The following CSMD1 variants were observed in gnomAD, a reference collection of about 807,000 sequenced individuals.
CSMD1 encodes the protein CUB and Sushi multiple domains 1, also known as CUB and sushi domain-containing protein 1.
A neutral mutation model predicts 417.5 loss-of-function variants in CSMD1; 213 were observed. The observed-to-expected ratio is 0.51, with a 90% confidence interval of 0.46 to 0.57. The LOEUF (loss-of-function observed/expected upper bound fraction) is 0.57. Ranked by LOEUF, CSMD1 falls within the 20% of genes least tolerant of loss-of-function variation. The pLI, the probability that CSMD1 is intolerant of heterozygous loss-of-function variation, is 0.00. For missense variants in CSMD1, 6,923 were observed against 4,529.7 expected (o/e 1.53, Z -15.17); for synonymous variants, 2,862 against 1,736.8 (o/e 1.65, Z -16.11).
chr8:4,172,111 C>T (rs945694698), intron 3 of CSMD1, among the ~76,000 whole-genome samples: 3 of 152,084 alleles, frequency 2.0e-5, no homozygotes, highest in African/African-American at 7.2e-5. Context: ...TCATGCGGAT[C>T]ATTTCAGTAG....
At chr8:4,800,904 T>C (rs1175137996) in intron 1 of CSMD1, among the ~76,000 whole-genome samples, 1 of 152,230 alleles carries the variant, frequency 6.6e-6, no homozygotes, top group African/African-American at 2.4e-5. Context: ...CTTGTACTCA[T>C]CACAGATTCT....
chr8:4,715,359 A>C (rs543276785), intron 1 of CSMD1, among the ~76,000 whole-genome samples: 1 of 152,360 alleles, frequency 6.6e-6, no homozygotes, highest in Non-Finnish European at 1.5e-5. Flanking sequence ...ATGCTTCATC[A>C]AAGAGCAATA....
intron 1 of CSMD1, among the ~76,000 whole-genome samples, chr8:4,725,838 C>G (rs147855531): frequency 6.6e-6 from 1 of 152,080 alleles, no homozygotes; most frequent in Non-Finnish European, 1.5e-5. Flanking sequence ...CACGACGTGG[C>G]TAAAGGAGTT....
intron 7 of CSMD1, among the ~76,000 whole-genome samples, chr8:3,692,595 G>A (rs1161143392): frequency 6.6e-6 from 1 of 151,982 alleles, no homozygotes; most frequent in Non-Finnish European, 1.5e-5. Flanking sequence ...ACCACACACA[G>A]CTAATTTTTG....
intron 50 of CSMD1, among the ~76,000 whole-genome samples, chr8:3,051,551 G>C (rs528138618): frequency 6.6e-6 from 1 of 152,232 alleles, no homozygotes; most frequent in South Asian, 2.1e-4. Context: ...GTGACACGTA[G>C]TTCACCTATA....
intron 7 of CSMD1, among the ~76,000 whole-genome samples, chr8:3,694,871 G>C (rs889890082): frequency 1.3e-5 from 2 of 152,032 alleles, no homozygotes; most frequent in African/African-American, 4.8e-5. Flanking sequence ...AAAGACCATA[G>C]AAACCTGCTG....
In CSMD1 at chr8:4,856,798, C is replaced by T. The variant is rs527426052; in HGVS notation, c.85+137534G>A. On this transcript the variant is annotated intron_variant, in intron 1 of 69. Transcript: ENST00000635120. ...TGAGTGACCTACAAAGAGACTTAGA[C>T]TCCCACACATTAATAATGGGAGACT... Among the ~76,000 whole-genome samples the T allele has an allele frequency of 2.3e-3, 340 of 150,810 alleles. 2 individuals are homozygous for T. The highest frequency in any genetic ancestry group is 8.1e-3 in the African/African-American group (331 of 41,020).
chr8:4,938,034 G>T (rs182156203), intron 1 of CSMD1, among the ~76,000 whole-genome samples: 26 of 152,098 alleles, frequency 1.7e-4, no homozygotes, highest in Admixed American at 5.2e-4. Flanking sequence ...AAAATAGTTA[G>T]AATAATATTA....
At chr8:4,742,471 C>A (rs1756926895) in intron 1 of CSMD1, among the ~76,000 whole-genome samples, 1 of 152,044 alleles carries the variant, frequency 6.6e-6, no homozygotes, top group African/African-American at 2.4e-5. Context: ...TACTTTTAGT[C>A]ATTCACATAC....
intron 3 of CSMD1, among the ~76,000 whole-genome samples, chr8:4,228,428 C>T (rs914629233): frequency 7.2e-5 from 11 of 152,078 alleles, no homozygotes; most frequent in African/African-American, 2.7e-4. Context: ...TAAGCAGCAG[C>T]ACCTACACTC....
intron 41 of CSMD1, among the ~76,000 whole-genome samples, chr8:3,123,559 G>C (rs1371432214): frequency 6.6e-6 from 1 of 151,504 alleles, no homozygotes; most frequent in African/African-American, 2.4e-5. Flanking sequence ...AACTCTCTTG[G>C]AAAAATGAGT....
At chr8:3,551,602 T>A (rs563713854) in intron 10 of CSMD1, among the ~76,000 whole-genome samples, 3,305 of 126,370 alleles carry the variant, frequency 0.026, 62 homozygotes, top group East Asian at 0.11. Flanking sequence ...ATATATTTTT[T>A]TTTTTTTTTT....
At chr8:3,309,123 A>T (rs1359990038) in intron 23 of CSMD1, among the ~76,000 whole-genome samples, 2 of 146,368 alleles carry the variant, frequency 1.4e-5, no homozygotes, top group African/African-American at 5.5e-5. Flanking sequence ...GCCCTCTAGG[A>T]CCTCTAGGAA....
chr8:4,459,361 C>T (rs114234865), intron 2 of CSMD1, among the ~76,000 whole-genome samples: 2,072 of 152,280 alleles, frequency 0.014, 41 homozygotes, highest in African/African-American at 0.048. Context: ...ACCTCAGACC[C>T]GTGGTTTACT....
chr8:4,042,080 G>A (rs994439489), intron 3 of CSMD1, among the ~76,000 whole-genome samples: 5 of 151,992 alleles, frequency 3.3e-5, no homozygotes, highest in African/African-American at 1.2e-4. Flanking sequence ...CTCACTGAAG[G>A]CAGGGAACAC....
intron 3 of CSMD1, among the ~76,000 whole-genome samples, chr8:4,203,303 C>T (rs542945716): frequency 3.9e-5 from 6 of 152,270 alleles, no homozygotes; most frequent in Non-Finnish European, 5.9e-5. Context: ...GGCCCCTCAA[C>T]ACCACGGGGT....
At chr8:4,323,220 T>G (rs1259145038) in intron 3 of CSMD1, among the ~76,000 whole-genome samples, 1 of 152,198 alleles carries the variant, frequency 6.6e-6, no homozygotes, top group African/African-American at 2.4e-5. Context: ...CATGTGATTG[T>G]AAGAGAAGTT....
intron 20 of CSMD1, 134 bp downstream of exon 20, chr8:3,366,898 G>A (rs1218371721): frequency 4.1e-6 from 3 of 735,554 alleles, no homozygotes; most frequent in Admixed American, 2.3e-5. Flanking sequence ...CCCATTAGTT[G>A]GAATCAAGTC....
intron 3 of CSMD1, among the ~76,000 whole-genome samples, chr8:4,341,544 T>C (rs1454779177): frequency 6.6e-6 from 1 of 152,142 alleles, no homozygotes; most frequent in African/African-American, 2.4e-5. Flanking sequence ...GGAAACATTA[T>C]TTTTCCTACA....
Sources: allele counts gnomAD v4.1 joint callset (sites outside exome capture counted in the v4.1 genomes callset), GRCh38; gene constraint gnomAD v4.1.1; transcripts MANE v1.5; gene names NCBI Gene and HGNC (gene_info 2026-07-23, HGNC 2026-07-21).